NTM: variants seen among roughly 807,000 people sequenced by gnomAD.
The protein encoded by NTM is neurotrimin.
A neutral mutation model predicts 42.1 loss-of-function variants in NTM; 13 were observed. The ratio of observed to expected loss-of-function variants is 0.31; its 90% CI spans 0.20 to 0.49. NTM has a LOEUF of 0.49. Ranked by LOEUF, NTM falls within the 20% of genes least tolerant of loss-of-function variation. NTM has a pLI of 0.99. For missense variants in NTM, 373 were observed against 452.8 expected (o/e 0.82, Z 1.60); for synonymous variants, 187 against 179.2 (o/e 1.04, Z -0.35).
intron 2 of NTM, among the ~76,000 whole-genome samples, chr11:131,929,458 T>A (rs1424160866): frequency 6.6e-6 from 1 of 151,616 alleles, no homozygotes; most frequent in African/African-American, 2.4e-5. Flanking sequence ...AGTTTTTTTT[T>A]TTTAATTTTT....
At chr11:131,801,952 T>A (rs186545206) in intron 1 of NTM, among the ~76,000 whole-genome samples, 1 of 152,272 alleles carries the variant, frequency 6.6e-6, no homozygotes, top group Non-Finnish European at 1.5e-5. Context: ...TCTCCTCATA[T>A]TACCCTCCCC....
chr11:131,922,752 C>T (rs373149495), intron 2 of NTM, among the ~76,000 whole-genome samples: 1 of 152,182 alleles, frequency 6.6e-6, no homozygotes, highest in African/African-American at 2.4e-5. Context: ...CCCCAGCTAC[C>T]ATTTCACAAG....
At chr11:132,167,462 C>T (rs2075450972) in intron 3 of NTM, among the ~76,000 whole-genome samples, 1 of 152,200 alleles carries the variant, frequency 6.6e-6, no homozygotes, top group Non-Finnish European at 1.5e-5. Flanking sequence ...TCCTCATTAA[C>T]CAGAAACAAT....
At chr11:131,629,070 G>A (rs1391962503) in intron 1 of NTM, among the ~76,000 whole-genome samples, 1 of 152,218 alleles carries the variant, frequency 6.6e-6, no homozygotes, top group Non-Finnish European at 1.5e-5. Context: ...CTATGTTAGT[G>A]CATGGATTAG....
intron 1 of NTM, among the ~76,000 whole-genome samples, chr11:131,424,600 C>CTTTTTTTTTTTATTTTTTTTTTTT (rs1947889479): frequency 1.8e-5 from 1 of 56,052 alleles, no homozygotes; most frequent in Non-Finnish European, 3.2e-5. Flanking sequence ...CTTTTCTTTT[C>CTTTTTTTTTTTATTTTTTTTTTTT]TTTTTTTTTT....
chr11:131,618,346 C>CAGTGCAAAACA (rs2062162691), intron 1 of NTM, among the ~76,000 whole-genome samples: 1 of 152,188 alleles, frequency 6.6e-6, no homozygotes, highest in African/African-American at 2.4e-5. Context: ...GGTACCAAAA[C>CAGTGCAAAACA]AAAGCCTAGC....
At chr11:131,763,324 G>A (rs2084533498) in intron 1 of NTM, among the ~76,000 whole-genome samples, 2 of 152,184 alleles carry the variant, frequency 1.3e-5, no homozygotes, top group Non-Finnish European at 2.9e-5. Flanking sequence ...AAGATTGAGT[G>A]TCTGAATAAT....
At chr11:131,658,929 G>A (rs1020398905) in intron 1 of NTM, among the ~76,000 whole-genome samples, 13 of 152,196 alleles carry the variant, frequency 8.5e-5, no homozygotes, top group Admixed American at 2.6e-4. Flanking sequence ...CTGATATCGC[G>A]CCACTGCTCT....
chr11:131,477,681 GTC>G (rs1480240013), intron 1 of NTM, among the ~76,000 whole-genome samples: 8 of 151,664 alleles, frequency 5.3e-5, no homozygotes, highest in Non-Finnish European at 1.5e-5. Context: ...TTACTGATGA[GTC>G]TCAAAATACT....
intron 3 of NTM, among the ~76,000 whole-genome samples, chr11:132,192,868 A>G (rs1207416612): frequency 1.3e-5 from 2 of 152,196 alleles, no homozygotes. Context: ...ATCAGATAAA[A>G]CAGATTTTAA....
At chr11:131,525,083 A>T (rs887043274) in intron 1 of NTM, among the ~76,000 whole-genome samples, 1 of 151,760 alleles carries the variant, frequency 6.6e-6, no homozygotes, top group African/African-American at 2.4e-5. Context: ...AGTAATTCTC[A>T]GGGGGCGGGT....
At chr11:132,332,335 G>A (rs1016068527) in intron 8 of NTM, 1 of 152,560 alleles carries the variant, frequency 6.6e-6, no homozygotes, top group Non-Finnish European at 1.5e-5. Flanking sequence ...CCTGTGGGGT[G>A]GGCTGCGCAG....
chr11:131,425,318 G>T (rs74916746), intron 1 of NTM, among the ~76,000 whole-genome samples: 1 of 152,050 alleles, frequency 6.6e-6, no homozygotes, highest in Admixed American at 6.5e-5. Flanking sequence ...TCCCAAAAAC[G>T]CCCTATAGTT....
chr11:132,207,652 G>A (rs969488421), intron 3 of NTM, among the ~76,000 whole-genome samples: 3 of 152,124 alleles, frequency 2.0e-5, no homozygotes, highest in African/African-American at 4.8e-5. Context: ...CTCCTCTAAA[G>A]TAGACTTCTT....
chr11:131,375,704 C>T (rs1941874018), intron 1 of NTM, among the ~76,000 whole-genome samples: 1 of 152,154 alleles, frequency 6.6e-6, no homozygotes, highest in African/African-American at 2.4e-5. Context: ...TAGCTCTAAT[C>T]TGGATTGGCA....
At position 132,258,410 on chromosome 11, in the gene NTM, G is replaced by T. The variant is rs115590234; in HGVS notation, c.526+46263G>T. On this transcript the variant is annotated intron_variant, in intron 4 of 8. Transcript: ENST00000683400. The stretch of plus-strand genomic sequence containing the variant: ...TTTTCCTATAGTCTTCTAGGAGGTC[G>T]CTCGATGTTGCCAAATACTTGGGCA... Among the ~76,000 whole-genome samples the T allele has an allele frequency of 9.6e-3, 1,458 of 152,170 alleles. 17 individuals carry two copies. The highest frequency in any genetic ancestry group is 0.033 in the African/African-American group (1,382 of 41,510).
At chr11:131,647,512 T>A (rs550035189) in intron 1 of NTM, among the ~76,000 whole-genome samples, 17 of 152,296 alleles carry the variant, frequency 1.1e-4, no homozygotes, top group Non-Finnish European at 2.5e-4. Flanking sequence ...TGAGAAAAAC[T>A]TGGGGGTGTG....
intron 2 of NTM, among the ~76,000 whole-genome samples, chr11:132,010,018 G>C (rs1279213892): frequency 1.3e-5 from 2 of 152,180 alleles, no homozygotes; most frequent in Admixed American, 1.3e-4. Context: ...TGCACAGCAT[G>C]AGTGAAGAAA....
chr11:131,777,137 T>C (rs1170633002), intron 1 of NTM: 1 of 812,324 alleles, frequency 1.2e-6, no homozygotes, highest in African/African-American at 1.9e-5. Context: ...TTTATATATA[T>C]TGCATATAAC....
Sources: gnomAD v4.1 joint callset for allele counts (sites outside exome capture counted in the v4.1 genomes callset) on GRCh38, gnomAD v4.1.1 for gene constraint, MANE v1.5 for transcripts, NCBI Gene and HGNC (gene_info 2026-07-23, HGNC 2026-07-21) for gene names.